The following NR2F1-AS1 variants were observed in gnomAD, a reference collection of about 807,000 sequenced individuals.
The protein encoded by NR2F1-AS1 is NR2F1 regulatory antisense RNA 1.
chr5:93,429,747 T>C (rs888230758), intron 4 of NR2F1-AS1, among the ~76,000 whole-genome samples: 1 of 152,198 alleles, frequency 6.6e-6, no homozygotes, highest in African/African-American at 2.4e-5. Flanking sequence ...TGGTAAAGAA[T>C]TGATGGAATA....
chr5:93,475,539 C>A (rs1002843069), intron 4 of NR2F1-AS1, among the ~76,000 whole-genome samples: 2 of 152,176 alleles, frequency 1.3e-5, no homozygotes, highest in Admixed American at 1.3e-4. Context: ...GAAGGGAACA[C>A]AACTGCTTTC....
intron 4 of NR2F1-AS1, among the ~76,000 whole-genome samples, chr5:93,483,453 A>G (rs1395817315): frequency 6.6e-6 from 1 of 152,210 alleles, no homozygotes; most frequent in Non-Finnish European, 1.5e-5. Context: ...GGTCACCAAC[A>G]TCAAAGACCA....
chr5:93,503,634 G>T (rs1013365272), intron 4 of NR2F1-AS1, among the ~76,000 whole-genome samples: 14 of 152,198 alleles, frequency 9.2e-5, no homozygotes, highest in Non-Finnish European at 1.5e-4. Flanking sequence ...CTCTCTTTCT[G>T]AGAGTCTGGA....
intron 4 of NR2F1-AS1, among the ~76,000 whole-genome samples, chr5:93,520,073 C>T (rs922816243): frequency 1.7e-4 from 26 of 151,962 alleles, no homozygotes; most frequent in African/African-American, 6.3e-4. Context: ...ATATATAGAT[C>T]CTATTAAATT....
At chr5:93,504,394 T>C (rs1007025903) in intron 4 of NR2F1-AS1, among the ~76,000 whole-genome samples, 2 of 152,046 alleles carry the variant, frequency 1.3e-5, no homozygotes, top group Admixed American at 6.6e-5. Context: ...AAAACCTCAG[T>C]CAAAAGTTTA....
intron 4 of NR2F1-AS1, among the ~76,000 whole-genome samples, chr5:93,458,752 G>A (rs900876589): frequency 1.3e-5 from 2 of 152,186 alleles, no homozygotes; most frequent in Non-Finnish European, 2.9e-5. Context: ...GCTCATGCCT[G>A]TAATCCCAGT....
At chr5:93,427,463 G>A (rs1269887625) in intron 4 of NR2F1-AS1, among the ~76,000 whole-genome samples, 4 of 152,090 alleles carry the variant, frequency 2.6e-5, no homozygotes, top group Non-Finnish European at 4.4e-5. Flanking sequence ...ATCTACTTTT[G>A]TTGACATCTA....
intron 4 of NR2F1-AS1, among the ~76,000 whole-genome samples, chr5:93,459,675 A>C (rs186453647): frequency 6.6e-6 from 1 of 152,262 alleles, no homozygotes; most frequent in East Asian, 1.9e-4. Context: ...CTTTTCCCCT[A>C]ATTGTCCTTA....
intron 4 of NR2F1-AS1, among the ~76,000 whole-genome samples, chr5:93,513,696 A>G (rs1317320627): frequency 1.3e-5 from 2 of 152,092 alleles, no homozygotes; most frequent in African/African-American, 4.8e-5. Flanking sequence ...AAAGCTAACT[A>G]CTGGGTACTA....
chr5:93,570,133 TAGCACTTTCTCCGCTGTTCCCGCCTTGC>T (rs1752717548), intron 1 of NR2F1-AS1: 2 of 152,228 alleles, frequency 1.3e-5, no homozygotes, highest in African/African-American at 4.8e-5. Context: ...ATGAACTACA[TAGCACTTTCTCCGCTGTTCCCGCCTTGC>T]AGATGGGTGT....
chr5:93,534,534 T>C (rs1751800143), intron 4 of NR2F1-AS1, among the ~76,000 whole-genome samples: 2 of 152,200 alleles, frequency 1.3e-5, no homozygotes. Flanking sequence ...AACAATTTAA[T>C]GAAAATAAAT....
At chr5:93,456,715 T>C (rs1451262298) in intron 4 of NR2F1-AS1, among the ~76,000 whole-genome samples, 1 of 151,864 alleles carries the variant, frequency 6.6e-6, no homozygotes, top group African/African-American at 2.4e-5. Flanking sequence ...GCGTTCAGCA[T>C]ATGGAGGACC....
Position 93,520,253 on chromosome 5 carries a change from T to G in NR2F1-AS1, n.638+33508A>C, listed in dbSNP as rs1202749963. ...TGTTTACTTTTGCATCTTTGAAGCC[T>G]GGAAATATATTTGTTTTGGTTACTC... On this transcript the variant is annotated intron_variant and non_coding_transcript_variant, in intron 4 of 5. Transcript: ENST00000660523. Among the ~76,000 whole-genome samples the G allele has an allele frequency of 2.0e-5, 3 of 152,102 alleles. No individual in the cohort carries two copies. The East Asian group carries it at 5.8e-4, about 29-fold the overall frequency.
chr5:93,495,131 T>G (rs921381697), intron 4 of NR2F1-AS1, among the ~76,000 whole-genome samples: 2 of 152,192 alleles, frequency 1.3e-5, no homozygotes, highest in Admixed American at 1.3e-4. Flanking sequence ...TCTTTGATTC[T>G]TTCAAACATC....
At chr5:93,496,571 GT>G (rs1750964534) in intron 4 of NR2F1-AS1, among the ~76,000 whole-genome samples, 2 of 152,096 alleles carry the variant, frequency 1.3e-5, no homozygotes, top group African/African-American at 4.8e-5. Context: ...TATTTTCACT[GT>G]TAAACAAATA....
At chr5:93,530,255 T>C (rs942180786) in intron 4 of NR2F1-AS1, among the ~76,000 whole-genome samples, 28 of 152,092 alleles carry the variant, frequency 1.8e-4, no homozygotes. Flanking sequence ...TAATTTTTTG[T>C]ATTTTTAGTA....
chr5:93,568,504 T>C (rs1561508959), intron 1 of NR2F1-AS1, among the ~76,000 whole-genome samples: 1 of 152,204 alleles, frequency 6.6e-6, no homozygotes, highest in African/African-American at 2.4e-5. Flanking sequence ...ATCATATTCA[T>C]GGTTAAATGT....
chr5:93,436,145 A>T (rs1253579981), intron 4 of NR2F1-AS1, among the ~76,000 whole-genome samples: 1 of 152,238 alleles, frequency 6.6e-6, no homozygotes, highest in Non-Finnish European at 1.5e-5. Flanking sequence ...CTCTAAAAGA[A>T]AATCTGTTTA....
At chr5:93,549,654 T>C (rs1752177588) in intron 4 of NR2F1-AS1, among the ~76,000 whole-genome samples, 1 of 152,184 alleles carries the variant, frequency 6.6e-6, no homozygotes. Flanking sequence ...TCACTTTTAC[T>C]AAGGGAATGA....
Sources: allele counts gnomAD v4.1 joint callset (sites outside exome capture counted in the v4.1 genomes callset), GRCh38; gene constraint gnomAD v4.1.1; transcripts MANE v1.5; gene names NCBI Gene and HGNC (gene_info 2026-07-23, HGNC 2026-07-21).